Variants in ULK3 observed in about 807,000 individuals in gnomAD.
ULK3 encodes unc-51 like kinase 3.
ULK3 carries 54 observed loss-of-function variants against 69.4 expected under a neutral mutation model. That is an observed-to-expected ratio of 0.78 (90% CI 0.63 to 0.98). ULK3 has a LOEUF of 0.98. Ranked by LOEUF, ULK3 falls within the 50% of genes least tolerant of loss-of-function variation. The pLI, the probability that ULK3 is intolerant of heterozygous loss-of-function variation, is 0.00. For missense variants in ULK3, 558 were observed against 627.7 expected, an observed-to-expected ratio of 0.89 and a Z score of 1.19; for synonymous variants, 240 against 254.5, an observed-to-expected ratio of 0.94 and a Z score of 0.54.
chr15:74,842,353 T>TC lies in ULK3; in HGVS notation c.169dup (p.Glu57GlyfsTer8). On this transcript the variant is annotated frameshift_variant, in exon 2 of 16. Coordinates refer to ENST00000440863, the MANE Select transcript of ULK3 (RefSeq NM_001099436.4). LOFTEE classifies it high-confidence loss of function. The surrounding 1 kb of genome is among the most constrained non-coding windows in gnomAD (Gnocchi z 4.9). ...GATCTCAATCTCCGTGAGGAGGTTC[T>TC]CCACCGATGCCTTGTTCAGACTTTT... The TC allele has an allele frequency of 6.2e-7, 1 of 1,614,022 alleles. No homozygotes were observed. Among genetic ancestry groups the TC allele is most frequent in the Non-Finnish European group, 8.5e-7 (1 of 1,179,900 alleles).
chr15:74,837,144 T>G lies in ULK3; in HGVS notation c.*84A>C, dbSNP rs1275494606. The G allele has an allele frequency of 1.3e-6, 2 of 1,492,018 alleles. No homozygotes were observed. The highest frequency in any genetic ancestry group is 2.5e-5 in the Admixed American group (1 of 40,648). 92.4% of individuals were successfully genotyped at this position (1,492,018 alleles called of 1,614,324 possible). On this transcript the variant is annotated 3_prime_UTR_variant, in exon 16 of 16. Transcript: ENST00000440863. ...AGAAGCCTGCTCGCCAGGGCTGCAG[T>G]GGGCCACTTCATTCTTGGCGTCAGC...
In ULK3 at chr15:74,842,479, G is replaced by A; in HGVS notation, c.103-59C>T. ...AGGGGGCCAGGACCCTTGTCTGACT[G>A]GAAAGGCTCTATCTGGTTCCCTCTG... On this transcript the variant is annotated intron_variant, in intron 1 of 15. Transcript: ENST00000440863. The surrounding 1 kb of genome is among the most constrained non-coding windows in gnomAD (Gnocchi z 4.9). 1 of 1,611,750 alleles carries A rather than the reference G, an allele frequency of 6.2e-7. No individual in the cohort carries two copies. Among genetic ancestry groups the A allele is most frequent in the East Asian group, 2.2e-5 (1 of 44,880 alleles).
In ULK3 at chr15:74,842,497, T is replaced by A. The variant is rs758296575; in HGVS notation, c.103-77A>T. On this transcript the variant is annotated intron_variant, in intron 1 of 15. Transcript: ENST00000440863. The surrounding 1 kb of genome is among the most constrained non-coding windows in gnomAD (Gnocchi z 4.9). Reference sequence around the variant, plus strand: ...TCTGACTGGAAAGGCTCTATCTGGTTCCCTCTGTTCCCCCACCCCGCCCCT... The same window carrying A: ...TCTGACTGGAAAGGCTCTATCTGGTACCCTCTGTTCCCCCACCCCGCCCCT... 1.9e-6 allele frequency: 3 copies of A among 1,607,514 alleles called. No individual in the cohort carries two copies. The East Asian group carries it at 6.7e-5, about 36-fold the overall frequency.
Position 74,839,335 on chromosome 15 carries a change from C to T in ULK3, c.891G>A (p.Glu297=), listed in dbSNP as rs1338746226. Residue 297 remains glutamate, a synonymous_variant, in exon 8 of 16, where the codon GAG becomes GAA. Transcript: ENST00000440863. ...LVVQAVKKDQ[E]GDSAAALSLY... ...GTGATAAGGCAGCTGCTGAATCCCC[C>T]TCCTGGTCTTTCTTCACAGCCTGCA... is the stretch of plus-strand genomic sequence containing the variant. 1.9e-6 allele frequency: 3 copies of T among 1,567,408 alleles called. No homozygotes were observed. Among genetic ancestry groups the T allele is most frequent in the Admixed American group, 1.9e-5 (1 of 53,322 alleles).
In ULK3 at chr15:74,837,181, C is replaced by T. The variant is rs766325697; in HGVS notation, c.*47G>A. 10 of 1,520,822 alleles carry T rather than the reference C, an allele frequency of 6.6e-6. No individual in the cohort carries two copies. The highest frequency in any genetic ancestry group is 2.8e-5 in the African/African-American group (2 of 72,128). 94.2% of individuals were successfully genotyped at this position (1,520,822 alleles called of 1,614,324 possible). On this transcript the variant is annotated 3_prime_UTR_variant, in exon 16 of 16. Transcript: ENST00000440863. Reference sequence around the variant, plus strand: ...TTCTTGGCGTCAGCCTGGGTTAGTGCCCCTCTGCTCCAGATGGCTCACATC... The same window carrying T: ...TTCTTGGCGTCAGCCTGGGTTAGTGTCCCTCTGCTCCAGATGGCTCACATC...
chr15:74,838,749 T>G lies in ULK3; in HGVS notation c.1000-4A>C. ...CCCGGGACACGTACTGCCCCACCTG[T>G]AGCAGGGAAAGGGCCTGAGGAGGGG... On this transcript the variant is annotated splice_polypyrimidine_tract_variant and splice_region_variant and intron_variant, in intron 9 of 15. Transcript: ENST00000440863. The G allele has an allele frequency of 6.2e-7, 1 of 1,600,306 alleles. No homozygotes were observed. The highest frequency in any genetic ancestry group is 1.3e-5 in the African/African-American group (1 of 74,566).
At position 74,841,394 on chromosome 15, in the gene ULK3, C is replaced by T; in HGVS notation, c.469+11G>A. 6.2e-7 allele frequency: 1 copy of T among 1,611,764 alleles called. No homozygotes were observed. Among genetic ancestry groups the T allele is most frequent in the Non-Finnish European group, 8.5e-7 (1 of 1,178,054 alleles). On this transcript the variant is annotated intron_variant, in intron 4 of 15. Coordinates refer to ENST00000440863, the MANE Select transcript of ULK3 (RefSeq NM_001099436.4). ...TCTCCAAACCTCATCCCTGCTGTTT[C>T]AGACACAGACCTGCCAGTTTTAGGT...
At position 74,842,122 on chromosome 15, in the gene ULK3, CG is replaced by C. The variant is rs762562612; in HGVS notation, c.316del (p.Arg106AlafsTer16). 4 of 1,613,968 alleles carry C rather than the reference CG, an allele frequency of 2.5e-6. No homozygotes were observed. Among genetic ancestry groups the C allele is most frequent in the Non-Finnish European group, 3.4e-6 (4 of 1,179,890 alleles). On this transcript the variant is annotated frameshift_variant, in exon 3 of 16. Transcript: ENST00000440863. LOFTEE classifies it high-confidence loss of function. The surrounding 1 kb of genome is among the most constrained non-coding windows in gnomAD (Gnocchi z 4.9). ...GGDLSRFIHT[R>X]RILPEKVARV... ...CGCCACCTTCTCAGGCAGAATCCTG[CG>C]GGTATGGATGAAGCGAGACAGGTCG...
At position 74,837,213 on chromosome 15, in the gene ULK3, A is replaced by G. The variant is rs1366359215; in HGVS notation, c.*15T>C. The G allele has an allele frequency of 5.2e-6, 8 of 1,549,836 alleles. No homozygotes were observed. Among genetic ancestry groups the G allele is most frequent in the Middle Eastern group, 1.7e-4 (1 of 5,736 alleles). On this transcript the variant is annotated 3_prime_UTR_variant, in exon 16 of 16. Coordinates refer to ENST00000440863, the MANE Select transcript of ULK3 (RefSeq NM_001099436.4). ...GCTCCAGATGGCTCACATCTGTCCA[A>G]TCATTCTTCTAGGGTCACTGAAGGG...
Position 74,843,008 on chromosome 15 carries a change from G to C in ULK3, c.98C>G (p.Ala33Gly). ...GGGCCATCGGCCGGCACCCACCTTG[G>C]CGTAGGCCTTGTACACCGTGGCGTA... is the stretch of plus-strand genomic sequence containing the variant. ...GTYATVYKAY[A>G]KKDTREVVAI... Residue 33 changes from alanine to glycine, a missense_variant, in exon 1 of 16, where the codon GCC becomes GGC. Coordinates refer to ENST00000440863, the MANE Select transcript of ULK3 (RefSeq NM_001099436.4). The C allele has an allele frequency of 6.5e-7, 1 of 1,547,524 alleles. No individual in the cohort carries two copies. Among genetic ancestry groups the C allele is most frequent in the Non-Finnish European group, 8.7e-7 (1 of 1,145,930 alleles).
intron 10 of ULK3, 50 bp downstream of exon 10, chr15:74,838,593 G>A (rs1567234284): frequency 1.3e-6 from 2 of 1,585,332 alleles, no homozygotes; most frequent in East Asian, 2.3e-5. Flanking sequence ...CCCTCAGGCT[G>A]TGGGGAGGTT....
In ULK3 at chr15:74,840,654, G is replaced by A. The variant is rs1448156218; in HGVS notation, c.470-13C>T. ...GCGAAACCAAAGTCTGCAGGCAAGA[G>A]GAGAGGCAGCAGGGCTTGAATTCCA... On this transcript the variant is annotated splice_polypyrimidine_tract_variant and intron_variant, in intron 4 of 15. Coordinates refer to ENST00000440863, the MANE Select transcript of ULK3 (RefSeq NM_001099436.4). 1 of 1,545,988 alleles carries A rather than the reference G, an allele frequency of 6.5e-7. No homozygotes were observed. The highest frequency in any genetic ancestry group is 1.4e-5 in the African/African-American group (1 of 72,526).
Position 74,842,940 on chromosome 15 carries a change from G to A in ULK3, c.102+64C>T. 2 of 1,501,208 alleles carry A rather than the reference G, an allele frequency of 1.3e-6. No individual in the cohort carries two copies. Among genetic ancestry groups the A allele is most frequent in the Non-Finnish European group, 1.8e-6 (2 of 1,115,234 alleles). 93.0% of individuals were successfully genotyped at this position (1,501,208 alleles called of 1,614,324 possible). ...CCCACACTGTCGCTAACCTCTCAGA[G>A]TCTCCCCGGCCGGCACCAGCCGAGC... On this transcript the variant is annotated intron_variant, in intron 1 of 15. Coordinates refer to ENST00000440863, the MANE Select transcript of ULK3 (RefSeq NM_001099436.4). This position sits in a 1 kb window ranked among gnomAD's most constrained non-coding sequence, Gnocchi z 4.9.
chr15:74,838,006 G>A, intron 13 of ULK3, 146 bp downstream of exon 13: 3 of 1,355,034 alleles, frequency 2.2e-6, no homozygotes. Flanking sequence ...TGCCCTGTCT[G>A]AGCACCCCAG....
chr15:74,840,295 G>A lies in ULK3; in HGVS notation c.635C>T (p.Pro212Leu). 1.9e-6 allele frequency: 3 copies of A among 1,610,652 alleles called. No homozygotes were observed. The highest frequency in any genetic ancestry group is 2.5e-6 in the Non-Finnish European group (3 of 1,178,602). ...ILYEALFGQP[P>L]FASRSFSELE... ...CTCCGAGAACGACCTGGAGGCAAAG[G>A]GGGGCTGCCCGAAGAGGGCTTCTGT... Residue 212 changes from proline (P) to leucine (L), a missense_variant, in exon 6 of 16, where the codon CCC becomes CTC. Transcript: ENST00000440863.
chr15:74,837,069 G>A lies in ULK3; in HGVS notation c.*159C>T, dbSNP rs1344246584. On this transcript the variant is annotated 3_prime_UTR_variant, in exon 16 of 16. Transcript: ENST00000440863. ...CCATCTGTGGGGTGCAGAGTAACCT[G>A]AGGGAGGCTGGGGACTCTGGGATAT... 9.8e-7 allele frequency: 1 copy of A among 1,019,490 alleles called. No homozygotes were observed. The highest frequency in any genetic ancestry group is 2.6e-5 in the East Asian group (1 of 37,746). The allele number at this position is 1,019,490 out of a possible 1,614,324, so 63.2% of individuals were successfully genotyped here.
At chr15:74,839,087 A>T (rs760370642) in intron 8 of ULK3, 37 bp from the exon 9 acceptor site, 8 of 1,585,766 alleles carry the variant, frequency 5.0e-6, no homozygotes. Context: ...GTCTGGGCGA[A>T]CCCCTCCCTG....
At chr15:74,840,205 A>C in intron 6 of ULK3, 29 bp downstream of exon 6, 1 of 1,588,878 alleles carries the variant, frequency 6.3e-7, no homozygotes, top group Non-Finnish European at 8.6e-7. Context: ...TCTGCCCCCC[A>C]GTGGTCGCTA....
At position 74,836,345 on chromosome 15, in the gene ULK3, C is replaced by CA. The variant is rs1392329908; in HGVS notation, c.*882dup. ...CTGTGGGCTGTGAAGGTATCAGCCC[C>CA]ATTGAAGAGATGGGGAGACCCAGGC... On this transcript the variant is annotated 3_prime_UTR_variant, in exon 16 of 16. Coordinates refer to ENST00000440863, the MANE Select transcript of ULK3 (RefSeq NM_001099436.4). This position sits in a 1 kb window ranked among gnomAD's most constrained non-coding sequence, Gnocchi z 4.0. 3 of 152,356 alleles carry CA rather than the reference C, an allele frequency of 2.0e-5. No homozygotes were observed. Among genetic ancestry groups the CA allele is most frequent in the Middle Eastern group, 3.4e-3 (1 of 294 alleles). 9.4% of individuals were successfully genotyped at this position (152,356 alleles called of 1,614,324 possible).
Sources: gnomAD v4.1 joint callset for allele counts on GRCh38, gnomAD v4.1.1 for gene constraint, Gnocchi (gnomAD v3.1) non-coding constraint, MANE v1.5 for transcripts, NCBI Gene and HGNC (gene_info 2026-07-23, HGNC 2026-07-21) for gene names.